The following ZNF420 variants were observed in gnomAD, a reference collection of about 807,000 sequenced individuals.
ZNF420 encodes ATM and p53-associated KZNF protein.
Under a neutral mutation model 44.7 loss-of-function variants are expected in ZNF420, and 31 were observed. The observed-to-expected ratio is 0.69, with a 90% CI of 0.52 to 0.94. ZNF420 has a LOEUF of 0.94. Ranked by LOEUF, ZNF420 falls within the 40% of genes least tolerant of loss-of-function variation. The probability of loss-of-function intolerance (pLI) is 0.00; values close to 1 mark genes in which losing one functional copy is unlikely to be tolerated. For synonymous variants in ZNF420, 245 were observed against 267.4 expected, an observed-to-expected ratio of 0.92 and a Z score of 0.82; for missense variants, 681 against 827.9, an observed-to-expected ratio of 0.82 and a Z score of 2.18.
chr19:37,095,609 C>T (rs1296812581), intron 4 of ZNF420, among the ~76,000 whole-genome samples: 6 of 151,092 alleles, frequency 4.0e-5, no homozygotes, highest in African/African-American at 1.5e-4. Flanking sequence ...CTTTTCTTTT[C>T]TTTTTTGAGA....
chr19:37,072,104 G>A (rs986031756), intron 1 of ZNF420, among the ~76,000 whole-genome samples: 38 of 152,004 alleles, frequency 2.5e-4, no homozygotes, highest in Non-Finnish European at 1.2e-4. Context: ...AAAAACCAAC[G>A]GTTTCATTCT....
At position 37,130,275 on chromosome 19, in the gene ZNF420, G is replaced by T; in HGVS notation, c.*1217G>T. The T allele has an allele frequency of 7.0e-7, 1 of 1,424,880 alleles. No individual in the cohort carries two copies. The highest frequency in any genetic ancestry group is 9.2e-7 in the Non-Finnish European group (1 of 1,084,856). 88.3% of individuals were successfully genotyped at this position (1,424,880 alleles called of 1,614,324 possible). A position where few individuals can be genotyped will look rare whatever the true frequency, so the allele number is the denominator to read the frequency against. On this transcript the variant is annotated 3_prime_UTR_variant, in exon 5 of 5. Transcript: ENST00000337995. ...CAGCCATACTAGCTCTGGTCTGCTT[G>T]CCTCCTGTTTCTCTTTAAATAAAAT...
chr19:37,050,535 GA>G (rs1191648769), intron 1 of ZNF420, among the ~76,000 whole-genome samples: 1 of 152,142 alleles, frequency 6.6e-6, no homozygotes, highest in Non-Finnish European at 1.5e-5. Flanking sequence ...TGGTATATAA[GA>G]ATGCTTGTGA....
chr19:37,087,932 A>C (rs902696816), intron 2 of ZNF420, among the ~76,000 whole-genome samples: 3 of 152,228 alleles, frequency 2.0e-5, no homozygotes, highest in African/African-American at 7.2e-5. Context: ...GGCGTGAGCC[A>C]CTGCACCCGG....
chr19:37,082,646 C>T (rs765742617), intron 2 of ZNF420, among the ~76,000 whole-genome samples: 27 of 152,106 alleles, frequency 1.8e-4, no homozygotes, highest in Admixed American at 7.2e-4. Flanking sequence ...AATAACAATA[C>T]CAATATTTTA....
At chr19:37,122,355 T>C (rs1971095091) in intron 4 of ZNF420, among the ~76,000 whole-genome samples, 2 of 151,300 alleles carry the variant, frequency 1.3e-5, no homozygotes, top group Non-Finnish European at 2.9e-5. Flanking sequence ...CAGCAAACTA[T>C]CTCAAGGACA....
At chr19:37,036,214 A>C (rs1967352192) in intron 1 of ZNF420, among the ~76,000 whole-genome samples, 1 of 152,216 alleles carries the variant, frequency 6.6e-6, no homozygotes, top group African/African-American at 2.4e-5. Context: ...CATGTATTTC[A>C]AAATGGTTAG....
chr19:37,040,626 G>A (rs776275375), intron 1 of ZNF420, among the ~76,000 whole-genome samples: 9 of 152,134 alleles, frequency 5.9e-5, no homozygotes, highest in Non-Finnish European at 4.4e-5. Context: ...AACTCAAAAA[G>A]AGAAAGGACT....
At chr19:37,099,982 A>G (rs1037218981) in intron 4 of ZNF420, among the ~76,000 whole-genome samples, 1 of 152,092 alleles carries the variant, frequency 6.6e-6, no homozygotes, top group African/African-American at 2.4e-5. Context: ...ACTTTGATGT[A>G]GTATGTTTAT....
intron 1 of ZNF420, among the ~76,000 whole-genome samples, chr19:37,017,083 G>C (rs768418760): frequency 1.8e-4 from 28 of 152,180 alleles, no homozygotes; most frequent in Non-Finnish European, 3.4e-4. Flanking sequence ...ATCACCATCT[G>C]TTTCCTTTAT....
intron 4 of ZNF420, chr19:37,109,863 T>C (rs1367435434): frequency 1.3e-5 from 2 of 152,210 alleles, no homozygotes; most frequent in African/African-American, 4.8e-5. Context: ...TTTCTATAAA[T>C]GTTTAAAAAA....
intron 4 of ZNF420, among the ~76,000 whole-genome samples, chr19:37,104,992 CTTTAG>C (rs1426486084): frequency 2.0e-5 from 3 of 152,158 alleles, no homozygotes. Flanking sequence ...TGCAGAAGCT[CTTTAG>C]TTTAATTAGA....
At chr19:37,123,106 AATCCTCTGTAGTATACCTTCAAAATAT>A (rs1242200431) in intron 4 of ZNF420, among the ~76,000 whole-genome samples, 22 of 152,194 alleles carry the variant, frequency 1.4e-4, no homozygotes, top group African/African-American at 5.3e-4. Flanking sequence ...TCCACCAACA[AATCCTCTGTAGTATACCTTCAAAATAT>A]ATCCACTATC....
intron 1 of ZNF420, among the ~76,000 whole-genome samples, chr19:37,019,357 G>A (rs2562587): frequency 0.36 from 55,440 of 152,020 alleles, 10,527 homozygotes; most frequent in African/African-American, 0.45. Context: ...AAAGGCTGCC[G>A]TTAAAAAACA....
intron 2 of ZNF420, among the ~76,000 whole-genome samples, chr19:37,085,593 C>T (rs1399286499): frequency 6.6e-6 from 1 of 152,156 alleles, no homozygotes; most frequent in Non-Finnish European, 1.5e-5. Flanking sequence ...TGTTTACATT[C>T]CTAACCCAGG....
intron 1 of ZNF420, among the ~76,000 whole-genome samples, chr19:37,079,207 G>A (rs1021350487): frequency 6.6e-6 from 1 of 152,156 alleles, no homozygotes; most frequent in Non-Finnish European, 1.5e-5. Flanking sequence ...GAGACAAGGT[G>A]GTCTAACAAT....
At chr19:37,009,325 C>T (rs564071677) in intron 1 of ZNF420, among the ~76,000 whole-genome samples, 1 of 152,254 alleles carries the variant, frequency 6.6e-6, no homozygotes, top group South Asian at 2.1e-4. Flanking sequence ...AGCAGGCTCC[C>T]CAAAATGTGG....
At position 37,130,069 on chromosome 19, in the gene ZNF420, A is replaced by G; in HGVS notation, c.*1011A>G. 1 of 1,550,060 alleles carries G rather than the reference A, an allele frequency of 6.5e-7. No homozygotes were observed. The highest frequency in any genetic ancestry group is 1.2e-5 in the South Asian group (1 of 83,980). On this transcript the variant is annotated 3_prime_UTR_variant, in exon 5 of 5. Coordinates refer to ENST00000337995, the MANE Select transcript of ZNF420 (RefSeq NM_144689.5). ...TGCAGGTCAACAAGATAGAAGTGAT[A>G]TTTATATGAGTAGGAGATTTACGAA...
chr19:37,014,052 T>C (rs2074591690), intron 1 of ZNF420, among the ~76,000 whole-genome samples: 1 of 152,192 alleles, frequency 6.6e-6, no homozygotes, highest in Admixed American at 6.5e-5. Context: ...AGAGGGCCTG[T>C]GCCGGAGAAC....
Sources: gnomAD v4.1 joint callset for allele counts (sites outside exome capture counted in the v4.1 genomes callset) on GRCh38, gnomAD v4.1.1 for gene constraint, MANE v1.5 for transcripts, NCBI Gene and HGNC (gene_info 2026-07-23, HGNC 2026-07-21) for gene names.